ABCC8: variants seen among roughly 807,000 people sequenced by gnomAD.
ABCC8 encodes ATP-binding cassette sub-family C member 8.
Under a neutral mutation model 188.0 loss-of-function variants are expected in ABCC8, and 137 were observed. That is an observed-to-expected ratio of 0.73 (90% CI 0.63 to 0.84). ABCC8 has a LOEUF of 0.84. Among genes scored for constraint, ABCC8 ranks in the 40% least tolerant of loss-of-function variants. ABCC8 has a pLI of 0.00. For synonymous variants in ABCC8, 797 were observed against 846.5 expected, an observed-to-expected ratio of 0.94 and a Z score of 1.01; for missense variants, 1,750 against 2,072.7, an observed-to-expected ratio of 0.84 and a Z score of 3.02.
rs199763382 is a variant in ABCC8, at chr11:17,448,659, T to G, written c.1189A>C (p.Asn397His). ...GAGGTGGACAGGTGCATAATTTTAT[T>G]GTAAATCTTGGTCTAGAAATGAGAG... ...LRGAIQTKIY[N>H]KIMHLSTSNL... The change falls in exon 8 of 39, where the codon AAT becomes CAT. Residue 397 changes from asparagine to histidine, a missense_variant. By Grantham distance (68) the Asn-to-His change is moderately conservative (BLOSUM62 1). Transcript: ENST00000389817. 42 of 1,614,184 alleles carry G rather than the reference T, an allele frequency of 2.6e-5. No homozygotes were observed. The Admixed American group carries it at 7.0e-4, about 27-fold the overall frequency.
chr11:17,398,714 C>G (rs908336810), intron 29 of ABCC8, among the ~76,000 whole-genome samples: 10 of 152,204 alleles, frequency 6.6e-5, no homozygotes, highest in African/African-American at 2.2e-4. Context: ...GGGCACCTCC[C>G]TTTACCCAGT....
intron 7 of ABCC8, among the ~76,000 whole-genome samples, chr11:17,451,528 C>T (rs1361584707): frequency 6.6e-6 from 1 of 152,236 alleles, no homozygotes; most frequent in Non-Finnish European, 1.5e-5. Flanking sequence ...AGAGTTTGGA[C>T]TCTGACATTG....
At chr11:17,448,332 C>T in intron 8 of ABCC8, 184 bp downstream of exon 8, 2 of 633,312 alleles carry the variant, frequency 3.2e-6, no homozygotes, top group Admixed American at 5.0e-5. Context: ...GAGAGATGGT[C>T]AGTGCTTGCA....
chr11:17,414,768 C>T lies in ABCC8; in HGVS notation c.2292-158G>A, dbSNP rs914747572. 15 of 911,566 alleles carry T rather than the reference C, an allele frequency of 1.6e-5. No individual in the cohort carries two copies. In the African/African-American group the frequency reaches 2.3e-4, roughly 14 times the overall value. 56.5% of individuals were successfully genotyped at this position (911,566 alleles called of 1,614,324 possible). A position where few individuals can be genotyped will look rare whatever the true frequency, so the allele number is the denominator to read the frequency against. On this transcript the variant is annotated intron_variant, in intron 18 of 38. Coordinates refer to ENST00000389817, the MANE Select transcript of ABCC8 (RefSeq NM_000352.6). ...GTGTGGCCTCTGGTGGCCTTGCCTTCCCCCAGGCAGGTTTGAGAGGTCTGG... is the reference window on the plus strand; with the variant it reads ...GTGTGGCCTCTGGTGGCCTTGCCTTTCCCCAGGCAGGTTTGAGAGGTCTGG...
At chr11:17,405,654 T>C in intron 26 of ABCC8, 91 bp from the exon 27 acceptor site, 1 of 1,600,176 alleles carries the variant, frequency 6.2e-7, no homozygotes, top group Non-Finnish European at 8.5e-7. Context: ...CATGTAAGTG[T>C]CTCTGGAGTC....
At chr11:17,469,079 C>T (rs2237972) in intron 3 of ABCC8, among the ~76,000 whole-genome samples, 56,546 of 134,090 alleles carry the variant, frequency 0.42, 12,432 homozygotes, top group African/African-American at 0.57. Flanking sequence ...CCTTCCCTCC[C>T]TCCCTCCTTC....
chr11:17,411,891 C>CTTT (rs1262103548), intron 21 of ABCC8, among the ~76,000 whole-genome samples: 14 of 122,946 alleles, frequency 1.1e-4, no homozygotes, highest in Admixed American at 1.7e-4. Context: ...CGAATACGTT[C>CTTT]TTTTTTTTTT....
chr11:17,420,975 G>A (rs914446812), intron 16 of ABCC8, among the ~76,000 whole-genome samples: 2 of 152,338 alleles, frequency 1.3e-5, no homozygotes, highest in Non-Finnish European at 2.9e-5. Flanking sequence ...GTGAATGCTT[G>A]GGAACCACAC....
At chr11:17,415,510 C>A in intron 17 of ABCC8, 171 bp from the exon 18 acceptor site, 2 of 943,510 alleles carry the variant, frequency 2.1e-6, no homozygotes, top group Non-Finnish European at 2.5e-6. Flanking sequence ...GTGTGCCCAT[C>A]TTGGGGAAGC....
At chr11:17,446,801 C>T (rs1264398255) in intron 8 of ABCC8, among the ~76,000 whole-genome samples, 1 of 152,092 alleles carries the variant, frequency 6.6e-6, no homozygotes, top group African/African-American at 2.4e-5. Context: ...CTGTGGGAGC[C>T]TCTCCCCTTT....
chr11:17,436,968 G>A (rs1956124521), intron 10 of ABCC8, among the ~76,000 whole-genome samples: 1 of 151,898 alleles, frequency 6.6e-6, no homozygotes, highest in Non-Finnish European at 1.5e-5. Flanking sequence ...GCGCATACCT[G>A]TAATCCTAGC....
intron 2 of ABCC8, among the ~76,000 whole-genome samples, chr11:17,470,749 G>A (rs1434645203): frequency 2.6e-5 from 4 of 152,216 alleles, no homozygotes; most frequent in Non-Finnish European, 5.9e-5. Context: ...GCATTTCCAA[G>A]GTCACTGATT....
At chr11:17,414,214 G>A (rs549987469) in intron 19 of ABCC8, among the ~76,000 whole-genome samples, 3 of 152,316 alleles carry the variant, frequency 2.0e-5, no homozygotes, top group East Asian at 1.9e-4. Context: ...GGAGCCAGGC[G>A]AATGGAGACT....
chr11:17,434,422 C>T (rs1231901013), intron 10 of ABCC8, among the ~76,000 whole-genome samples: 2 of 152,322 alleles, frequency 1.3e-5, no homozygotes, highest in African/African-American at 4.8e-5. Context: ...GAAATTTATC[C>T]TGAGTAATCA....
intron 24 of ABCC8, 105 bp downstream of exon 24, chr11:17,407,249 A>G: frequency 6.2e-7 from 1 of 1,609,762 alleles, no homozygotes. Context: ...AAGCCATTTA[A>G]TCAAAGGCAC....
chr11:17,397,696 G>A lies in ABCC8; in HGVS notation c.3855C>T (p.Thr1285=), dbSNP rs56924677. The part of the protein sequence containing the change: ...LSAGLVGLGL[T]YALMVSNYLN... Reference sequence around the variant, plus strand: ...CACTGCCGCTCACCATTAGGGCGTAGGTAAGGCCCAGGCCCACCAGGCCAG... The same window carrying A: ...CACTGCCGCTCACCATTAGGGCGTAAGTAAGGCCCAGGCCCACCAGGCCAG... Residue 1285 remains threonine, a synonymous_variant, in exon 31 of 39, where the codon ACC becomes ACT. Coordinates refer to ENST00000389817, the MANE Select transcript of ABCC8 (RefSeq NM_000352.6). The A allele has an allele frequency of 5.6e-6, 9 of 1,612,876 alleles. No individual in the cohort carries two copies. The highest frequency in any genetic ancestry group is 1.6e-4 in the Middle Eastern group (1 of 6,062).
intron 29 of ABCC8, among the ~76,000 whole-genome samples, chr11:17,399,867 G>A (rs1469943798): frequency 2.0e-5 from 3 of 152,208 alleles, no homozygotes; most frequent in Non-Finnish European, 4.4e-5. Context: ...TCCTCATCAT[G>A]TTTTCCCTGA....
chr11:17,474,098 G>T (rs950033417), intron 2 of ABCC8, among the ~76,000 whole-genome samples: 2 of 152,002 alleles, frequency 1.3e-5, no homozygotes, highest in Non-Finnish European at 2.9e-5. Context: ...TCCAGACTCC[G>T]CTCCAAAGCC....
chr11:17,441,936 C>T (rs1025915970), intron 10 of ABCC8, among the ~76,000 whole-genome samples: 44 of 151,870 alleles, frequency 2.9e-4, no homozygotes, highest in African/African-American at 1.0e-3. Flanking sequence ...AAAAATTAGT[C>T]GGGTGTGGTG....
Sources: gnomAD v4.1 joint callset for allele counts (sites outside exome capture counted in the v4.1 genomes callset) on GRCh38, gnomAD v4.1.1 for gene constraint, MANE v1.5 for transcripts, NCBI Gene and HGNC (gene_info 2026-07-23, HGNC 2026-07-21) for gene names.